The following HIVEP3 variants were observed in gnomAD, a reference collection of about 807,000 sequenced individuals.
The protein encoded by HIVEP3 is HIVEP zinc finger 3.
In HIVEP3, 49 loss-of-function variants were observed where a neutral mutation model predicts 152.8. That is an observed-to-expected ratio of 0.32 (90% CI 0.26 to 0.41). The LOEUF (loss-of-function observed/expected upper bound fraction) is 0.41. HIVEP3 is among the 10% of genes least tolerant of loss of function. The pLI is 1.00. For missense variants in HIVEP3, 2,790 were observed against 3,103.3 expected (o/e 0.90, Z 2.40); for synonymous variants, 1,269 against 1,289.0 (o/e 0.98, Z 0.33).
chr1:41,620,135 CCCCAGGGAGGCATG>C (rs1645025826), intron 3 of HIVEP3, among the ~76,000 whole-genome samples: 1 of 152,144 alleles, frequency 6.6e-6, no homozygotes, highest in Admixed American at 6.5e-5. Flanking sequence ...ACTGAAACGA[CCCCAGGGAGGCATG>C]CCAAACAGAG....
chr1:41,719,221 T>C (rs369581703), intron 1 of HIVEP3, among the ~76,000 whole-genome samples: 1 of 152,218 alleles, frequency 6.6e-6, no homozygotes, highest in African/African-American at 2.4e-5. Flanking sequence ...TATTGCTCTA[T>C]ATGAAAACAG....
intron 1 of HIVEP3, among the ~76,000 whole-genome samples, chr1:41,826,554 G>T (rs1439625011): frequency 6.6e-6 from 1 of 152,220 alleles, no homozygotes; most frequent in African/African-American, 2.4e-5. Context: ...GAACTGGACA[G>T]TCTGACTTCC....
intron 1 of HIVEP3, among the ~76,000 whole-genome samples, chr1:41,826,129 A>G (rs1642795562): frequency 6.6e-6 from 1 of 152,176 alleles, no homozygotes; most frequent in African/African-American, 2.4e-5. Flanking sequence ...CTCCTCTCTC[A>G]TAAGTGGGGC....
chr1:41,835,984 G>T (rs1393431152), intron 1 of HIVEP3, among the ~76,000 whole-genome samples: 1 of 152,142 alleles, frequency 6.6e-6, no homozygotes, highest in Non-Finnish European at 1.5e-5. Context: ...TTATCCACCT[G>T]ATATTTGTCT....
intron 3 of HIVEP3, among the ~76,000 whole-genome samples, chr1:41,613,554 AG>A (rs1358566506): frequency 6.6e-6 from 1 of 152,252 alleles, no homozygotes; most frequent in African/African-American, 2.4e-5. Flanking sequence ...TTCAGTTAAT[AG>A]TTTGCAGAAG....
At chr1:41,604,453 G>A (rs1644789644) in intron 3 of HIVEP3, among the ~76,000 whole-genome samples, 1 of 152,186 alleles carries the variant, frequency 6.6e-6, no homozygotes, top group South Asian at 2.1e-4. Flanking sequence ...ATGTGAATGT[G>A]GAAACTCCAC....
intron 5 of HIVEP3, among the ~76,000 whole-genome samples, chr1:41,556,653 T>C (rs542952855): frequency 8.5e-4 from 129 of 152,354 alleles, no homozygotes; most frequent in Admixed American, 2.3e-3. Flanking sequence ...TCCAAACTTA[T>C]CTATTTTTTC....
intron 3 of HIVEP3, among the ~76,000 whole-genome samples, chr1:41,608,801 G>A (rs1644856969): frequency 6.6e-6 from 1 of 152,040 alleles, no homozygotes; most frequent in African/African-American, 2.4e-5. Context: ...GCTGGGCACG[G>A]TGGCTCACAC....
chr1:41,669,676 C>T (rs1645845649), intron 2 of HIVEP3, among the ~76,000 whole-genome samples: 2 of 152,132 alleles, frequency 1.3e-5, no homozygotes. Context: ...CTCAAGCCTA[C>T]CCACTTGCAG....
Position 41,583,765 on chromosome 1 carries a change from AG to A in HIVEP3, c.1032del (p.Ser345HisfsTer6). ...TTATGGCTCAGGGGGTGCTCAGATG[AG>A]GGTTCCACAAATGGAGGGGGGTCTT... ...SLEDPPPFVE[P>X]SSEHPLSHKP... On this transcript the variant is annotated frameshift_variant, in exon 4 of 9. Transcript: ENST00000372583. LOFTEE classifies it high-confidence loss of function. This position sits in a 1 kb window ranked among gnomAD's most constrained non-coding sequence, Gnocchi z 6.9. The A allele has an allele frequency of 6.3e-7, 1 of 1,591,738 alleles. No homozygotes were observed.
At chr1:41,755,893 G>T (rs1388338675) in intron 1 of HIVEP3, among the ~76,000 whole-genome samples, 3 of 152,168 alleles carry the variant, frequency 2.0e-5, no homozygotes, top group African/African-American at 7.2e-5. Context: ...AAATGATATA[G>T]CTACACTGAA....
intron 1 of HIVEP3, among the ~76,000 whole-genome samples, chr1:41,863,633 G>A (rs572840908): frequency 6.6e-6 from 1 of 152,336 alleles, no homozygotes; most frequent in East Asian, 1.9e-4. Context: ...GTTCTCCAGC[G>A]GAGGTGCGGG....
At chr1:41,764,837 A>C (rs2124252682) in intron 1 of HIVEP3, among the ~76,000 whole-genome samples, 2 of 152,300 alleles carry the variant, frequency 1.3e-5, no homozygotes, top group Admixed American at 1.3e-4. Context: ...AAGAGGCCAG[A>C]GGAGGGTTCA....
At chr1:41,991,765 A>C (rs377353520) in intron 1 of HIVEP3, among the ~76,000 whole-genome samples, 637 of 144,470 alleles carry the variant, frequency 4.4e-3, no homozygotes, top group African/African-American at 0.016. Flanking sequence ...TACTGGCAAA[A>C]CGAATCCAGC....
intron 1 of HIVEP3, among the ~76,000 whole-genome samples, chr1:41,956,547 C>T (rs1645141518): frequency 6.6e-6 from 1 of 152,208 alleles, no homozygotes; most frequent in Non-Finnish European, 1.5e-5. Flanking sequence ...ACAACTTCAT[C>T]CCAAATATCA....
intron 1 of HIVEP3, among the ~76,000 whole-genome samples, chr1:41,705,835 T>C (rs556535574): frequency 2.0e-5 from 3 of 152,326 alleles, no homozygotes; most frequent in Admixed American, 2.0e-4. Flanking sequence ...CAGTCTTACT[T>C]CTAATACTGA....
intron 5 of HIVEP3, among the ~76,000 whole-genome samples, chr1:41,540,553 A>G (rs1418466566): frequency 2.6e-5 from 4 of 152,186 alleles, no homozygotes; most frequent in African/African-American, 9.7e-5. Flanking sequence ...TAATTTCTGC[A>G]TGACAACAGG....
Position 41,510,135 on chromosome 1 carries a change from A to C in HIVEP3, c.*316T>G. On this transcript the variant is annotated 3_prime_UTR_variant, in exon 9 of 9. Coordinates refer to ENST00000372583, the MANE Select transcript of HIVEP3 (RefSeq NM_024503.5). Reference sequence around the variant, plus strand: ...TCTGGGGTGGGTGGCTGCCAACCACAGCGGGGAGGGTCAGGAGGCTTCACC... The same window carrying C: ...TCTGGGGTGGGTGGCTGCCAACCACCGCGGGGAGGGTCAGGAGGCTTCACC... The C allele has an allele frequency of 4.2e-6, 1 of 240,612 alleles. No homozygotes were observed. The highest frequency in any genetic ancestry group is 7.9e-6 in the Non-Finnish European group (1 of 126,744). 14.9% of individuals were successfully genotyped at this position (240,612 alleles called of 1,614,324 possible).
At chr1:41,601,918 C>T (rs1041000616) in intron 3 of HIVEP3, among the ~76,000 whole-genome samples, 4 of 152,070 alleles carry the variant, frequency 2.6e-5, no homozygotes, top group Non-Finnish European at 4.4e-5. Context: ...TACTTTCCCT[C>T]TAGTCTTAGT....
Sources: allele counts gnomAD v4.1 joint callset (sites outside exome capture counted in the v4.1 genomes callset), GRCh38; gene constraint gnomAD v4.1.1; non-coding constraint Gnocchi (gnomAD v3.1); transcripts MANE v1.5; gene names NCBI Gene and HGNC (gene_info 2026-07-23, HGNC 2026-07-21).